GLCE: variants seen among roughly 807,000 people sequenced by gnomAD.
The protein encoded by GLCE is D-glucuronyl C5-epimerase.
Under a neutral mutation model 47.9 loss-of-function variants are expected in GLCE, and 19 were observed. The observed-to-expected ratio is 0.40, with a 90% CI of 0.28 to 0.58. The LOEUF (loss-of-function observed/expected upper bound fraction) is 0.58, where lower values mean the gene tolerates loss of function less well. Among genes scored for constraint, GLCE ranks in the 20% least tolerant of loss-of-function variants. GLCE has a pLI of 0.48. For missense variants in GLCE, 556 were observed against 743.3 expected, an observed-to-expected ratio of 0.75 and a Z score of 2.93; for synonymous variants, 245 against 263.4, an observed-to-expected ratio of 0.93 and a Z score of 0.68.
Position 69,269,342 on chromosome 15 carries a change from AG to A in GLCE, c.*100del, listed in dbSNP as rs2140461672. ...GGCACATTTTAAAAGGTTATGTACTAGGTTTTTGTGGATTCTATCAAAGTGA... is the reference window on the plus strand; with the variant it reads ...GGCACATTTTAAAAGGTTATGTACTAGTTTTTGTGGATTCTATCAAAGTGA... On this transcript the variant is annotated 3_prime_UTR_variant, in exon 5 of 5. Coordinates refer to ENST00000261858, the MANE Select transcript of GLCE (RefSeq NM_015554.3). 1.1e-6 allele frequency: 1 copy of A among 939,376 alleles called. No individual in the cohort carries two copies. Among genetic ancestry groups the A allele is most frequent in the Admixed American group, 2.3e-5 (1 of 42,792 alleles). 58.2% of individuals were successfully genotyped at this position (939,376 alleles called of 1,614,324 possible).
At chr15:69,161,640 C>T (rs2051423472) in intron 1 of GLCE, among the ~76,000 whole-genome samples, 1 of 152,182 alleles carries the variant, frequency 6.6e-6, no homozygotes, top group Non-Finnish European at 1.5e-5. Flanking sequence ...GTTCAGGTCT[C>T]CTTCTCTCTG....
rs138311237 is a variant in GLCE, at chr15:69,270,708, T to C, written c.*1464T>C. ...TTGAATTCAAACTATCAAGCACTACTTAGAAACTGGAAAACATATATATGT... is the reference window on the plus strand; with the variant it reads ...TTGAATTCAAACTATCAAGCACTACCTAGAAACTGGAAAACATATATATGT... On this transcript the variant is annotated 3_prime_UTR_variant, in exon 5 of 5. Coordinates refer to ENST00000261858, the MANE Select transcript of GLCE (RefSeq NM_015554.3). The C allele has an allele frequency of 1.4e-3, 213 of 152,232 alleles. 1 individual carries two copies. Among genetic ancestry groups the C allele is most frequent in the African/African-American group, 4.9e-3 (205 of 41,536 alleles). 9.4% of individuals were successfully genotyped at this position (152,232 alleles called of 1,614,324 possible). A position where few individuals can be genotyped will look rare whatever the true frequency, so the allele number is the denominator to read the frequency against.
intron 1 of GLCE, among the ~76,000 whole-genome samples, chr15:69,162,048 C>G (rs2051432317): frequency 6.6e-6 from 1 of 152,204 alleles, no homozygotes; most frequent in Admixed American, 6.5e-5. Flanking sequence ...TGGCTTCTTT[C>G]TGTCCTTTGA....
intron 2 of GLCE, among the ~76,000 whole-genome samples, chr15:69,231,169 G>A (rs2052515678): frequency 6.6e-6 from 1 of 152,154 alleles, no homozygotes; most frequent in African/African-American, 2.4e-5. Flanking sequence ...TGGGTAAGCA[G>A]GGGTGAGACA....
At chr15:69,257,581 G>C (rs920174049) in intron 3 of GLCE, among the ~76,000 whole-genome samples, 135 of 152,244 alleles carry the variant, frequency 8.9e-4, no homozygotes, top group African/African-American at 3.1e-3. Flanking sequence ...CTGGACTCAA[G>C]CAGTCCTTCC....
chr15:69,221,691 C>T (rs896811346), intron 2 of GLCE, among the ~76,000 whole-genome samples: 2 of 151,702 alleles, frequency 1.3e-5, no homozygotes, highest in African/African-American at 4.8e-5. Context: ...GACGAAACCC[C>T]GTCTCTACTA....
At chr15:69,163,639 C>A (rs1388513485) in intron 1 of GLCE, among the ~76,000 whole-genome samples, 2 of 152,152 alleles carry the variant, frequency 1.3e-5, no homozygotes, top group Non-Finnish European at 2.9e-5. Context: ...TATAAGGATA[C>A]ACATCAGACT....
In GLCE at chr15:69,268,127, G is replaced by A. The variant is rs16953041; in HGVS notation, c.830-93G>A. ...AAATATGTAAGTGTTAATTTTGTGC[G>A]GTCAGGGTTTTCAAGGATGAATTGC... On this transcript the variant is annotated intron_variant, in intron 4 of 4. Coordinates refer to ENST00000261858, the MANE Select transcript of GLCE (RefSeq NM_015554.3). The A allele has an allele frequency of 8.8e-3, 6,172 of 704,676 alleles. 267 individuals carry two copies. In the African/African-American group the frequency reaches 0.095, roughly 11 times the overall value. 43.7% of individuals were successfully genotyped at this position (704,676 alleles called of 1,614,324 possible).
intron 3 of GLCE, chr15:69,260,871 A>T (rs1483363985): frequency 1.6e-5 from 8 of 494,356 alleles, no homozygotes; most frequent in Non-Finnish European, 2.5e-5. Context: ...TTGTTAACAA[A>T]TAATGAATGA....
chr15:69,202,120 A>G (rs1036984766), intron 1 of GLCE, among the ~76,000 whole-genome samples: 1 of 152,062 alleles, frequency 6.6e-6, no homozygotes, highest in Admixed American at 6.6e-5. Flanking sequence ...GAGTCTCACT[A>G]TGTTACCCAG....
intron 1 of GLCE, among the ~76,000 whole-genome samples, chr15:69,170,898 A>C (rs1285406270): frequency 6.6e-6 from 1 of 152,200 alleles, no homozygotes; most frequent in Non-Finnish European, 1.5e-5. Flanking sequence ...TGAAAATTAG[A>C]CAGATGATAC....
intron 2 of GLCE, among the ~76,000 whole-genome samples, chr15:69,233,192 A>G (rs913965978): frequency 1.3e-5 from 2 of 152,204 alleles, no homozygotes; most frequent in Non-Finnish European, 2.9e-5. Flanking sequence ...GGACATATTT[A>G]ACTTTTGGGT....
intron 1 of GLCE, among the ~76,000 whole-genome samples, chr15:69,178,920 A>C (rs1397044002): frequency 6.6e-6 from 1 of 152,174 alleles, no homozygotes; most frequent in Non-Finnish European, 1.5e-5. Flanking sequence ...TCATATAGTC[A>C]TAAAAAAAGA....
chr15:69,174,234 C>T (rs1160274942), intron 1 of GLCE, among the ~76,000 whole-genome samples: 3 of 152,174 alleles, frequency 2.0e-5, no homozygotes, highest in Admixed American at 6.5e-5. Flanking sequence ...ATGTCACAGA[C>T]TAATTGAAGT....
At chr15:69,216,519 G>C (rs2052309148) in intron 2 of GLCE, among the ~76,000 whole-genome samples, 1 of 152,002 alleles carries the variant, frequency 6.6e-6, no homozygotes, top group East Asian at 1.9e-4. Flanking sequence ...AAGTTTCAGT[G>C]GTAGTTTTCT....
intron 2 of GLCE, among the ~76,000 whole-genome samples, chr15:69,211,282 A>G (rs1229243254): frequency 6.6e-6 from 1 of 152,094 alleles, no homozygotes; most frequent in Non-Finnish European, 1.5e-5. Flanking sequence ...GCTTGTTCTC[A>G]TTCTAAAAAC....
chr15:69,231,053 G>A (rs1228798047), intron 2 of GLCE, among the ~76,000 whole-genome samples: 1 of 152,052 alleles, frequency 6.6e-6, no homozygotes, highest in Non-Finnish European at 1.5e-5. Flanking sequence ...TTGGTTTATT[G>A]AAACAAGACC....
chr15:69,232,959 G>A (rs1002155886), intron 2 of GLCE, among the ~76,000 whole-genome samples: 1 of 152,134 alleles, frequency 6.6e-6, no homozygotes, highest in Non-Finnish European at 1.5e-5. Flanking sequence ...TTCGGGAGGA[G>A]CAGCAGACAG....
intron 4 of GLCE, among the ~76,000 whole-genome samples, chr15:69,267,776 A>T (rs144953446): frequency 1.2e-3 from 177 of 152,240 alleles, no homozygotes; most frequent in African/African-American, 4.2e-3. Flanking sequence ...TAAATAGTTT[A>T]AAATTCATGT....
Sources: gnomAD v4.1 joint callset for allele counts (sites outside exome capture counted in the v4.1 genomes callset) on GRCh38, gnomAD v4.1.1 for gene constraint, MANE v1.5 for transcripts, NCBI Gene and HGNC (gene_info 2026-07-23, HGNC 2026-07-21) for gene names.